MPPED2: variants seen among roughly 807,000 people sequenced by gnomAD.
MPPED2 encodes the protein metallophosphoesterase MPPED2.
Under a neutral mutation model 33.0 loss-of-function variants are expected in MPPED2, and 5 were observed. The observed-to-expected ratio is 0.15, with a 90% CI of 0.08 to 0.32. The LOEUF is 0.32. Among genes scored for constraint, MPPED2 ranks in the 10% least tolerant of loss-of-function variants. The pLI is 1.00. For synonymous variants in MPPED2, 136 were observed against 141.9 expected, an observed-to-expected ratio of 0.96 and a Z score of 0.29; for missense variants, 275 against 372.1, an observed-to-expected ratio of 0.74 and a Z score of 2.15.
intron 1 of MPPED2, among the ~76,000 whole-genome samples, chr11:30,583,902 C>T (rs185701668): frequency 6.6e-6 from 1 of 152,320 alleles, no homozygotes; most frequent in Non-Finnish European, 1.5e-5. Flanking sequence ...TGCTCCAAAT[C>T]CGCCAAATTT....
chr11:30,540,554 TAC>T (rs1413786484), intron 2 of MPPED2, among the ~76,000 whole-genome samples: 1 of 152,226 alleles, frequency 6.6e-6, no homozygotes, highest in Non-Finnish European at 1.5e-5. Context: ...ATAGTATTTT[TAC>T]TACTATTAGT....
chr11:30,423,837 A>G (rs879599567), intron 4 of MPPED2, among the ~76,000 whole-genome samples: 5 of 152,062 alleles, frequency 3.3e-5, no homozygotes, highest in African/African-American at 1.2e-4. Flanking sequence ...TGCTCACATT[A>G]TTTTTTTCTT....
intron 4 of MPPED2, among the ~76,000 whole-genome samples, chr11:30,455,562 G>A (rs986962091): frequency 6.6e-6 from 1 of 152,150 alleles, no homozygotes; most frequent in Non-Finnish European, 1.5e-5. Flanking sequence ...AAAAAGCTAA[G>A]TATATATCCT....
chr11:30,440,346 G>A (rs1456376721), intron 4 of MPPED2, among the ~76,000 whole-genome samples: 1 of 145,462 alleles, frequency 6.9e-6, no homozygotes, highest in Non-Finnish European at 1.5e-5. Flanking sequence ...AAAAAAAAAA[G>A]TTTTACTGGG....
At chr11:30,501,152 A>G (rs1952541489) in intron 3 of MPPED2, among the ~76,000 whole-genome samples, 1 of 152,172 alleles carries the variant, frequency 6.6e-6, no homozygotes, top group Non-Finnish European at 1.5e-5. Flanking sequence ...TATTCACTCA[A>G]CAGACATTAG....
intron 2 of MPPED2, among the ~76,000 whole-genome samples, chr11:30,554,846 G>T (rs909772628): frequency 2.4e-4 from 37 of 152,042 alleles, no homozygotes; most frequent in African/African-American, 8.7e-4. Flanking sequence ...CTGTCCTTAG[G>T]CCTGACGTCA....
intron 3 of MPPED2, among the ~76,000 whole-genome samples, chr11:30,503,326 A>G (rs1273495954): frequency 6.6e-6 from 1 of 152,126 alleles, no homozygotes; most frequent in Non-Finnish European, 1.5e-5. Flanking sequence ...TCTCCTTTAT[A>G]AATTACCCAG....
intron 1 of MPPED2, among the ~76,000 whole-genome samples, chr11:30,582,586 G>C (rs1957218536): frequency 6.6e-6 from 1 of 152,146 alleles, no homozygotes; most frequent in East Asian, 1.9e-4. Context: ...AAGCAAATGT[G>C]GCCTAGAAAT....
chr11:30,497,985 T>C (rs1384383942), intron 3 of MPPED2, among the ~76,000 whole-genome samples: 1 of 152,150 alleles, frequency 6.6e-6, no homozygotes, highest in African/African-American at 2.4e-5. Flanking sequence ...CTTTCATCTA[T>C]AATCTGCCAA....
chr11:30,515,222 A>C (rs888669098), intron 3 of MPPED2, among the ~76,000 whole-genome samples: 1 of 152,328 alleles, frequency 6.6e-6, no homozygotes, highest in South Asian at 2.1e-4. Flanking sequence ...TCATGAAAAG[A>C]GAGTGGAAAA....
chr11:30,482,249 A>T (rs1951523961), intron 4 of MPPED2, among the ~76,000 whole-genome samples: 1 of 152,214 alleles, frequency 6.6e-6, no homozygotes, highest in Non-Finnish European at 1.5e-5. Flanking sequence ...TGACTATATT[A>T]GTATATGTTT....
At chr11:30,579,343 A>G (rs1319022643) in intron 2 of MPPED2, among the ~76,000 whole-genome samples, 2 of 152,038 alleles carry the variant, frequency 1.3e-5, no homozygotes, top group African/African-American at 4.8e-5. Context: ...CCTCCTTTCT[A>G]TCTTGACTAT....
At chr11:30,583,340 A>G (rs1957282436) in intron 1 of MPPED2, among the ~76,000 whole-genome samples, 1 of 151,766 alleles carries the variant, frequency 6.6e-6, no homozygotes, top group Admixed American at 6.6e-5. Context: ...CACCCTCTTC[A>G]CACTTACTTT....
intron 2 of MPPED2, among the ~76,000 whole-genome samples, chr11:30,539,005 G>A (rs1954955650): frequency 6.6e-6 from 1 of 152,174 alleles, no homozygotes; most frequent in Non-Finnish European, 1.5e-5. Flanking sequence ...CTCATAGGAA[G>A]AAGACATTTC....
At chr11:30,580,802 T>C (rs1466060419) in intron 1 of MPPED2, among the ~76,000 whole-genome samples, 1 of 152,210 alleles carries the variant, frequency 6.6e-6, no homozygotes, top group Non-Finnish European at 1.5e-5. Flanking sequence ...TGCCATGGCA[T>C]CTGGCTATAC....
chr11:30,495,407 G>T lies in MPPED2; in HGVS notation c.425C>A (p.Ser142Tyr). 1 of 1,613,746 alleles carries T rather than the reference G, an allele frequency of 6.2e-7. No individual in the cohort carries two copies. The stretch of plus-strand genomic sequence containing the variant: ...GTCAAAGTCCTCTGGTTTCAATTTG[G>T]ACACAGAGGGGAAACGGTAGTAGTC... Reference protein sequence around the residue: ...KQDYYRFPSVSKLKPEDFDNV... With the variant: ...KQDYYRFPSVYKLKPEDFDNV... The change falls in exon 4 of 7, where the codon TCC becomes TAC. Residue 142 changes from serine (S) to tyrosine (Y), a missense_variant. Transcript: ENST00000358117.
At chr11:30,398,709 CA>C (rs1947868205) in intron 6 of MPPED2, among the ~76,000 whole-genome samples, 1 of 152,052 alleles carries the variant, frequency 6.6e-6, no homozygotes, top group South Asian at 2.1e-4. Flanking sequence ...ATCACCCAGC[CA>C]AGAGAAAGCT....
At chr11:30,528,952 A>G (rs2134432495) in intron 3 of MPPED2, among the ~76,000 whole-genome samples, 1 of 152,382 alleles carries the variant, frequency 6.6e-6, no homozygotes, top group Middle Eastern at 3.4e-3. Flanking sequence ...TTCTAGGAAT[A>G]TATCCTATGA....
intron 2 of MPPED2, among the ~76,000 whole-genome samples, chr11:30,557,667 G>A (rs1267699792): frequency 6.6e-6 from 1 of 152,212 alleles, no homozygotes; most frequent in Non-Finnish European, 1.5e-5. Flanking sequence ...ACAATGGAAT[G>A]TGCAATTATT....
Sources: allele counts gnomAD v4.1 joint callset (sites outside exome capture counted in the v4.1 genomes callset), GRCh38; gene constraint gnomAD v4.1.1; transcripts MANE v1.5; gene names NCBI Gene and HGNC (gene_info 2026-07-23, HGNC 2026-07-21).